Variants in TASP1 observed in about 807,000 individuals in gnomAD.
TASP1 encodes the protein taspase 1.
Under a neutral mutation model 56.6 loss-of-function variants are expected in TASP1, and 16 were observed. The ratio of observed to expected loss-of-function variants is 0.28; its 90% CI spans 0.19 to 0.43. The LOEUF is 0.43. TASP1 is among the 20% of genes least tolerant of loss of function. The pLI is 1.00. For missense variants in TASP1, 393 were observed against 511.6 expected, an observed-to-expected ratio of 0.77 and a Z score of 2.24; for synonymous variants, 179 against 184.2, an observed-to-expected ratio of 0.97 and a Z score of 0.23.
At chr20:13,391,031 T>C (rs949356318) in intron 13 of TASP1, among the ~76,000 whole-genome samples, 3 of 152,204 alleles carry the variant, frequency 2.0e-5, no homozygotes, top group Non-Finnish European at 4.4e-5. Flanking sequence ...CTGAGGAGTT[T>C]GGTACCCGTG....
At chr20:13,263,625 C>G in the TASP1 span, among the ~76,000 whole-genome samples, 19 of 152,270 alleles carry the variant, frequency 1.2e-4, no homozygotes, top group African/African-American at 4.6e-4. Flanking sequence ...CTGTTCCAGA[C>G]AAAATCGATG....
At chr20:13,371,663 G>C in the TASP1 span, among the ~76,000 whole-genome samples, 1 of 152,196 alleles carries the variant, frequency 6.6e-6, no homozygotes, top group South Asian at 2.1e-4. Flanking sequence ...TATTAGGTCT[G>C]CTTTGTGTAT....
At chr20:13,361,060 T>C in the TASP1 span, among the ~76,000 whole-genome samples, 6 of 152,190 alleles carry the variant, frequency 3.9e-5, no homozygotes, top group East Asian at 1.2e-3. Flanking sequence ...CTCAAGGAAA[T>C]AACTTCTCAG....
At chr20:13,200,147 A>C in the TASP1 span, among the ~76,000 whole-genome samples, 1 of 152,248 alleles carries the variant, frequency 6.6e-6, no homozygotes, top group Non-Finnish European at 1.5e-5. Flanking sequence ...TGATTCCTTC[A>C]TCATCTCAGA....
intron 4 of TASP1, among the ~76,000 whole-genome samples, chr20:13,590,085 A>C (rs1310978086): frequency 6.6e-6 from 1 of 152,102 alleles, no homozygotes; most frequent in East Asian, 1.9e-4. Flanking sequence ...TACAAAAATC[A>C]GCTGGACATG....
intron 4 of TASP1, chr20:13,616,975 C>T (rs2048545561): frequency 4.6e-6 from 2 of 434,340 alleles, no homozygotes; most frequent in Admixed American, 2.6e-5. Context: ...AACAAGTTGC[C>T]TCCCATCTGC....
At chr20:13,521,295 A>G (rs955597684) in intron 10 of TASP1, among the ~76,000 whole-genome samples, 27 of 152,324 alleles carry the variant, frequency 1.8e-4, no homozygotes, top group African/African-American at 6.0e-4. Flanking sequence ...AAGGATTAGA[A>G]ATCATGCTGC....
the TASP1 span, among the ~76,000 whole-genome samples, chr20:13,133,804 A>G: frequency 2.0e-5 from 3 of 152,204 alleles, no homozygotes; most frequent in Non-Finnish European, 4.4e-5. Context: ...TAGGCTGGAC[A>G]GGAGAACTGC....
chr20:13,295,013 C>T, the TASP1 span, among the ~76,000 whole-genome samples: 1 of 152,210 alleles, frequency 6.6e-6, no homozygotes, highest in East Asian at 1.9e-4. Flanking sequence ...TTTTTCTCTT[C>T]CTCGTTCTAT....
chr20:13,106,097 A>T, the TASP1 span, among the ~76,000 whole-genome samples: 1 of 152,324 alleles, frequency 6.6e-6, no homozygotes, highest in South Asian at 2.1e-4. Flanking sequence ...AAAAATATCT[A>T]TCTGCTCGTT....
the TASP1 span, chr20:13,168,046 C>G: frequency 6.6e-6 from 1 of 152,134 alleles, no homozygotes; most frequent in Non-Finnish European, 1.5e-5. Flanking sequence ...ACTTCTCTTT[C>G]TACAAAAATT....
At chr20:13,581,909 G>A (rs1182687791) in intron 5 of TASP1, among the ~76,000 whole-genome samples, 2 of 152,070 alleles carry the variant, frequency 1.3e-5, no homozygotes, top group African/African-American at 2.4e-5. Flanking sequence ...TGATCACAGC[G>A]CTGAGTTTTA....
intron 4 of TASP1, among the ~76,000 whole-genome samples, chr20:13,613,606 T>C (rs1444537464): frequency 6.6e-6 from 1 of 152,144 alleles, no homozygotes; most frequent in Non-Finnish European, 1.5e-5. Flanking sequence ...TGCTGCCTGT[T>C]CTTAGACTTA....
At chr20:13,343,579 G>GCCGCCC in the TASP1 span, among the ~76,000 whole-genome samples, 130 of 79,892 alleles carry the variant, frequency 1.6e-3, no homozygotes, top group East Asian at 0.028. Flanking sequence ...CCCCCGCCCC[G>GCCGCCC]CCGCCCCCGC....
the TASP1 span, among the ~76,000 whole-genome samples, chr20:13,280,374 C>T: frequency 7.0e-6 from 1 of 141,990 alleles, no homozygotes; most frequent in Non-Finnish European, 1.5e-5. Flanking sequence ...ACGTGTGTGT[C>T]TCAGGTCTTC....
chr20:13,363,471 C>T, the TASP1 span, among the ~76,000 whole-genome samples: 4 of 152,170 alleles, frequency 2.6e-5, no homozygotes, highest in Non-Finnish European at 5.9e-5. Flanking sequence ...TTGTTATACC[C>T]TTTATTAATG....
the TASP1 span, chr20:13,299,187 C>T: frequency 6.2e-7 from 1 of 1,606,184 alleles, no homozygotes; most frequent in South Asian, 1.1e-5. The surrounding 1 kb of genome is among the most constrained non-coding windows in gnomAD (Gnocchi z 5.8). Context: ...CATGCTGTCC[C>T]TGGAGAGCAC....
the TASP1 span, chr20:13,270,552 C>T: frequency 6.2e-7 from 1 of 1,613,926 alleles, no homozygotes; most frequent in Non-Finnish European, 8.5e-7. Context: ...CAGCTTTTCT[C>T]TCTCCAAAGA....
chr20:13,295,658 G>A, the TASP1 span, among the ~76,000 whole-genome samples: 1 of 152,174 alleles, frequency 6.6e-6, no homozygotes, highest in Non-Finnish European at 1.5e-5. Context: ...AAGGCAGCAG[G>A]ACTAGGCAGG....
Sources: allele counts gnomAD v4.1 joint callset (sites outside exome capture counted in the v4.1 genomes callset), GRCh38; gene constraint gnomAD v4.1.1; non-coding constraint Gnocchi (gnomAD v3.1); transcripts MANE v1.5; gene names NCBI Gene and HGNC (gene_info 2026-07-23, HGNC 2026-07-21).